Variants in MTDH observed in about 807,000 individuals in gnomAD.
MTDH encodes the protein protein LYRIC.
A neutral mutation model predicts 72.7 loss-of-function variants in MTDH; 34 were observed. The ratio of observed to expected loss-of-function variants is 0.47; its 90% CI spans 0.36 to 0.62. MTDH has a LOEUF of 0.62. MTDH is among the 20% of genes least tolerant of loss of function. MTDH has a pLI of 0.00. For synonymous variants in MTDH, 266 were observed against 268.9 expected (o/e 0.99, Z 0.10); for missense variants, 677 against 699.4 (o/e 0.97, Z 0.36).
At chr8:97,707,962 C>CTTTTTTTTTTTTTTTTTT (rs200601710) in intron 8 of MTDH, among the ~76,000 whole-genome samples, 1 of 144,690 alleles carries the variant, frequency 6.9e-6, no homozygotes. Flanking sequence ...ATGGATTGGT[C>CTTTTTTTTTTTTTTTTTT]TTTTTTTTTT....
intron 1 of MTDH, among the ~76,000 whole-genome samples, chr8:97,652,216 A>G (rs1236510083): frequency 6.6e-6 from 1 of 152,208 alleles, no homozygotes; most frequent in Non-Finnish European, 1.5e-5. Flanking sequence ...ATCTCTTTCC[A>G]TGGCCCGTAT....
chr8:97,689,215 G>T, intron 5 of MTDH, 112 bp downstream of exon 5: 1 of 544,672 alleles, frequency 1.8e-6, no homozygotes, highest in Non-Finnish European at 3.2e-6. Flanking sequence ...GTCTTAAAAT[G>T]ATTTTTAATT....
In MTDH at chr8:97,723,837, G is replaced by A. The variant is rs139530245; in HGVS notation, c.1679-763G>A. Among the ~76,000 whole-genome samples, 10 of 152,226 alleles carry A rather than the reference G, an allele frequency of 6.6e-5. No homozygotes were observed. In the East Asian group the frequency reaches 1.4e-3, roughly 21 times the overall value. On this transcript the variant is annotated intron_variant, in intron 11 of 11. Transcript: ENST00000336273. ...AAATAACTAAAGGAGGCTGGGTGCC[G>A]TGCCTCACACCTGTAATCCGAGCAC...
rs749981603 is a variant in MTDH at position 97,723,082 on chromosome 8, A to G, written c.1678+47A>G. 5.7e-6 allele frequency: 9 copies of G among 1,581,240 alleles called. No homozygotes were observed. The South Asian group carries it at 9.2e-5, about 16-fold the overall frequency. ...TTCCTTTGTACTGTTTACATTTTTC[A>G]TGTGTTAAGGTTCTGATCTTAAAAG... On this transcript the variant is annotated intron_variant, in intron 11 of 11. Coordinates refer to ENST00000336273, the MANE Select transcript of MTDH (RefSeq NM_178812.4).
chr8:97,718,332 T>C (rs1430666804), intron 9 of MTDH, among the ~76,000 whole-genome samples: 1 of 152,182 alleles, frequency 6.6e-6, no homozygotes, highest in Non-Finnish European at 1.5e-5. Context: ...CGTGAGCCAC[T>C]GCCAAATCTA....
At chr8:97,673,340 G>A (rs1294922445) in intron 2 of MTDH, among the ~76,000 whole-genome samples, 1 of 151,792 alleles carries the variant, frequency 6.6e-6, no homozygotes, top group Non-Finnish European at 1.5e-5. Flanking sequence ...GGGCAACATA[G>A]TGAGACCCCA....
rs543078656 is a variant in MTDH at position 97,656,168 on chromosome 8, G to A, written c.382-4904G>A. 2.2e-4 allele frequency among the ~76,000 whole-genome samples: 34 copies of A among 152,068 alleles called. 2 individuals are homozygous for A. In the South Asian group the frequency reaches 6.9e-3, roughly 31 times the overall value. ...AGTTTACGTAACTAAGTGAAAGTAGGGTTCTATGTGATTTCATTTTAGAAG... is the reference window on the plus strand; with the variant it reads ...AGTTTACGTAACTAAGTGAAAGTAGAGTTCTATGTGATTTCATTTTAGAAG... On this transcript the variant is annotated intron_variant, in intron 1 of 11. Transcript: ENST00000336273.
chr8:97,678,511 G>A (rs1036599210), intron 2 of MTDH, among the ~76,000 whole-genome samples: 1 of 150,296 alleles, frequency 6.7e-6, no homozygotes, highest in Non-Finnish European at 1.5e-5. Flanking sequence ...TGATAAAGCT[G>A]AACAACTTTT....
At chr8:97,701,430 G>A (rs950815084) in intron 7 of MTDH, among the ~76,000 whole-genome samples, 1 of 152,138 alleles carries the variant, frequency 6.6e-6, no homozygotes, top group Admixed American at 6.5e-5. Context: ...AAAAAAAAGT[G>A]TGTACATATT....
chr8:97,652,862 G>C (rs1189310645), intron 1 of MTDH, among the ~76,000 whole-genome samples: 1 of 151,946 alleles, frequency 6.6e-6, no homozygotes, highest in African/African-American at 2.4e-5. Flanking sequence ...AGCCAGGTGC[G>C]GTGGTTCACA....
chr8:97,664,999 T>A (rs1474428929), intron 2 of MTDH, among the ~76,000 whole-genome samples: 1 of 152,226 alleles, frequency 6.6e-6, no homozygotes, highest in African/African-American at 2.4e-5. Context: ...TGACCTCAGG[T>A]GATCTGCCTG....
chr8:97,678,894 T>C (rs1309828749), intron 2 of MTDH, among the ~76,000 whole-genome samples: 1 of 152,094 alleles, frequency 6.6e-6, no homozygotes, highest in Non-Finnish European at 1.5e-5. Context: ...TGTCAGAAAA[T>C]AGCCAATTTT....
intron 5 of MTDH, among the ~76,000 whole-genome samples, chr8:97,689,618 T>A (rs367858067): frequency 6.6e-6 from 1 of 152,112 alleles, no homozygotes; most frequent in African/African-American, 2.4e-5. Flanking sequence ...AAGATTGAAT[T>A]AAGTAGAGTG....
intron 11 of MTDH, 97 bp from the exon 12 acceptor site, chr8:97,724,503 A>G (rs1815279104): frequency 1.2e-6 from 1 of 819,394 alleles, no homozygotes; most frequent in Non-Finnish European, 1.9e-6. Flanking sequence ...GTATTTTAAA[A>G]CATTGTTTCA....
At chr8:97,686,134 G>C (rs1330211256) in intron 2 of MTDH, among the ~76,000 whole-genome samples, 1 of 152,146 alleles carries the variant, frequency 6.6e-6, no homozygotes, top group Non-Finnish European at 1.5e-5. Flanking sequence ...ATAGGATACA[G>C]CAACAATCTG....
At chr8:97,713,250 A>G (rs1814707228) in intron 8 of MTDH, among the ~76,000 whole-genome samples, 1 of 151,950 alleles carries the variant, frequency 6.6e-6, no homozygotes, top group Admixed American at 6.6e-5. Flanking sequence ...ACGCCCGGCT[A>G]ATTTTTTTGT....
chr8:97,713,677 A>G lies in MTDH; in HGVS notation c.1288A>G (p.Lys430Glu), dbSNP rs1196022113. ...PDDQKVSDDD[K>E]EKGEGALPTG... The stretch of plus-strand genomic sequence containing the variant: ...TTAACCTAAGGTCTCAGATGATGAT[A>G]AAGAAAAGGGAGAGGGAGCTCTTCC... Residue 430 changes from lysine to glutamate, a missense_variant, in exon 9 of 12, where the codon AAA (lysine) becomes GAA (glutamate). By Grantham distance (56) the Lys-to-Glu change is moderately conservative. This residue lies in a region of MTDH where 201 missense variants were observed against 204.5 expected (regional missense o/e 0.98). Transcript: ENST00000336273. 1.3e-6 allele frequency: 2 copies of G among 1,596,012 alleles called. No homozygotes were observed. The highest frequency in any genetic ancestry group is 1.7e-6 in the Non-Finnish European group (2 of 1,174,004).
rs1250826815 is a variant in MTDH, at chr8:97,729,218, C to A, written c.*4548C>A. Among the ~76,000 whole-genome samples, 3 of 151,790 alleles carry A rather than the reference C, an allele frequency of 2.0e-5. No individual in the cohort carries two copies. The highest frequency in any genetic ancestry group is 4.4e-5 in the Non-Finnish European group (3 of 67,978). On this transcript the variant is annotated 3_prime_UTR_variant, in exon 12 of 12. Transcript: ENST00000336273. ...CTGGTGTTACAGGTGTGAGCCACCA[C>A]ACCTGGCCAACATGTGGCTTTCAGT... is the stretch of plus-strand genomic sequence containing the variant.
chr8:97,651,432 G>A (rs2130913050), intron 1 of MTDH, among the ~76,000 whole-genome samples: 1 of 152,220 alleles, frequency 6.6e-6, no homozygotes, highest in East Asian at 1.9e-4. Context: ...CTAACAAAAA[G>A]CACCCAAAAA....
Sources: gnomAD v4.1 joint callset for allele counts (sites outside exome capture counted in the v4.1 genomes callset) on GRCh38, gnomAD v4.1.1 for gene constraint, gnomAD v4.1.1 regional missense constraint, MANE v1.5 for transcripts, NCBI Gene and HGNC (gene_info 2026-07-23, HGNC 2026-07-21) for gene names.